The following CCL28 variants were observed in gnomAD, a reference collection of about 807,000 sequenced individuals.
CCL28 encodes C-C motif chemokine ligand 28.
CCL28 carries 4 observed loss-of-function variants against 7.1 expected under a neutral mutation model. The observed-to-expected ratio is 0.56, with a 90% CI of 0.28 to 1.29. The LOEUF (loss-of-function observed/expected upper bound fraction) is 1.29, where lower values mean the gene tolerates loss of function less well. Among genes scored for constraint, CCL28 ranks in the 50% most tolerant of loss-of-function variants. CCL28 has a pLI of 0.11. For synonymous variants in CCL28, 55 were observed against 57.8 expected (o/e 0.95, Z 0.22); for missense variants, 151 against 163.4 (o/e 0.92, Z 0.41).
chr5:43,409,804 G>C (rs1273940990), intron 1 of CCL28, among the ~76,000 whole-genome samples: 3 of 152,128 alleles, frequency 2.0e-5, no homozygotes, highest in Non-Finnish European at 4.4e-5. Flanking sequence ...CAAAGTCCTA[G>C]ATTGTGGGTT....
chr5:43,412,272 C>T lies in CCL28; in HGVS notation c.45G>A (p.Ala15=), dbSNP rs749388087. Residue 15 remains alanine, a synonymous_variant, in exon 1 of 3, where the codon GCG becomes GCA. Coordinates refer to ENST00000361115, the MANE Select transcript of CCL28 (RefSeq NM_148672.3). ...GLAIVALAVC[A]ALHASEAILP... is the part of the protein sequence containing the mutation. ...ACTCACCTTCTGAGGCATGTAGGGC[C>T]GCACAGACAGCCAAGGCCACGATGG... 43 of 1,612,484 alleles carry T rather than the reference C, an allele frequency of 2.7e-5. No homozygotes were observed. The highest frequency in any genetic ancestry group is 2.1e-4 in the South Asian group (19 of 90,618).
At chr5:43,396,113 G>T (rs1488681518) in intron 1 of CCL28, among the ~76,000 whole-genome samples, 1 of 151,806 alleles carries the variant, frequency 6.6e-6, no homozygotes, top group African/African-American at 2.4e-5. Flanking sequence ...CTCGTGATCC[G>T]CCCGCCTCTG....
intron 1 of CCL28, among the ~76,000 whole-genome samples, chr5:43,401,573 TC>T (rs1464802722): frequency 2.0e-5 from 3 of 152,156 alleles, no homozygotes; most frequent in Non-Finnish European, 4.4e-5. Flanking sequence ...ATGGGGGTGG[TC>T]CTAGCATCTA....
chr5:43,386,565 G>A (rs1323966044), intron 2 of CCL28, among the ~76,000 whole-genome samples: 1 of 152,140 alleles, frequency 6.6e-6, no homozygotes, highest in Non-Finnish European at 1.5e-5. Flanking sequence ...CCCTACATCT[G>A]ACCCTGAGTG....
chr5:43,388,373 C>G lies in CCL28; in HGVS notation c.168G>C (p.Gly56=). 6.2e-7 allele frequency: 1 copy of G among 1,614,132 alleles called. No homozygotes were observed. The highest frequency in any genetic ancestry group is 8.5e-7 in the Non-Finnish European group (1 of 1,180,020). Residue 56 remains glycine (G), a synonymous_variant, in exon 2 of 3, where the codon GGG becomes GGC. Transcript: ENST00000361115. The part of the protein sequence containing the change: ...VNMCRIQRAD[G]DCDLAAVILH... ...ACATGACAGCAGCCAAGTCACAATC[C>G]CCATCAGCTCTCTGGATGCGACACA...
At chr5:43,367,652 G>A in the CCL28 span, among the ~76,000 whole-genome samples, 5 of 150,760 alleles carry the variant, frequency 3.3e-5, no homozygotes, top group Admixed American at 6.6e-5. Flanking sequence ...CTTGCTGGGA[G>A]ATGCAGGCCC....
At chr5:43,367,125 C>A in the CCL28 span, among the ~76,000 whole-genome samples, 3 of 152,242 alleles carry the variant, frequency 2.0e-5, no homozygotes, top group Non-Finnish European at 4.4e-5. Context: ...GACTGCTGTG[C>A]TGGCAGCAAG....
chr5:43,384,559 T>G (rs1436867625), intron 2 of CCL28, among the ~76,000 whole-genome samples: 1 of 152,144 alleles, frequency 6.6e-6, no homozygotes, highest in African/African-American at 2.4e-5. Context: ...CATAGTATTC[T>G]GATGGGCACC....
At chr5:43,359,833 G>A in the CCL28 span, among the ~76,000 whole-genome samples, 1 of 151,706 alleles carries the variant, frequency 6.6e-6, no homozygotes, top group East Asian at 1.9e-4. Flanking sequence ...ACACCCCCCA[G>A]GCCTGTGACT....
intron 2 of CCL28, among the ~76,000 whole-genome samples, chr5:43,387,626 G>A (rs1333690663): frequency 2.0e-5 from 3 of 152,054 alleles, no homozygotes; most frequent in Non-Finnish European, 4.4e-5. Context: ...CCTTTTTGTT[G>A]TTGTGGTGGT....
rs528275975 is a variant in CCL28, at chr5:43,407,686, T to C, written c.64+4567A>G. 3.7e-3 allele frequency among the ~76,000 whole-genome samples: 561 copies of C among 152,062 alleles called. 1 individual carries two copies. The highest frequency in any genetic ancestry group is 0.034 in the Middle Eastern group (10 of 292). On this transcript the variant is annotated intron_variant, in intron 1 of 2. Coordinates refer to ENST00000361115, the MANE Select transcript of CCL28 (RefSeq NM_148672.3). ...AGAACTTGTGCACAGCAAAAGAAAA[T>C]ACCATCAGAGTGAACAGGCAACCTA...
At position 43,395,897 on chromosome 5, in the gene CCL28, T is replaced by C. The variant is rs563728272; in HGVS notation, c.65-7421A>G. On this transcript the variant is annotated intron_variant, in intron 1 of 2. Coordinates refer to ENST00000361115, the MANE Select transcript of CCL28 (RefSeq NM_148672.3). ...TTTTTTTTGAGACGGAGTATCGCTC[T>C]GTATCGCTCTGTTGCCCAGACTGGA... Among the ~76,000 whole-genome samples the C allele has an allele frequency of 2.2e-5, 3 of 138,122 alleles. No individual in the cohort carries two copies. In the South Asian group the frequency reaches 8.1e-4, roughly 37 times the overall value. The allele number at this position is 138,122 out of a possible 152,430, so 90.6% of individuals were successfully genotyped here.
Position 43,381,840 on chromosome 5 carries a change from T to C in CCL28, c.*20A>G, listed in dbSNP as rs779353704. On this transcript the variant is annotated 3_prime_UTR_variant, in exon 3 of 3. Transcript: ENST00000361115. Reference sequence around the variant, plus strand: ...AAGTCCACTTGAGGAATTGTCTCTGTAGATTTATCTGTAGACTCTCTAATA... The same window carrying C: ...AAGTCCACTTGAGGAATTGTCTCTGCAGATTTATCTGTAGACTCTCTAATA... 2 of 1,587,242 alleles carry C rather than the reference T, an allele frequency of 1.3e-6. No individual in the cohort carries two copies. Among genetic ancestry groups the C allele is most frequent in the Non-Finnish European group, 1.7e-6 (2 of 1,161,908 alleles).
At chr5:43,369,360 T>C in the CCL28 span, among the ~76,000 whole-genome samples, 3 of 152,174 alleles carry the variant, frequency 2.0e-5, no homozygotes, top group African/African-American at 7.2e-5. Flanking sequence ...AGAAAGTACA[T>C]TCTTGAAATA....
intron 1 of CCL28, among the ~76,000 whole-genome samples, chr5:43,395,099 T>A (rs1042190344): frequency 7.3e-5 from 11 of 150,852 alleles, no homozygotes; most frequent in Admixed American, 7.3e-4. Flanking sequence ...ATAAAGATTT[T>A]CTGTTCCTCC....
chr5:43,359,170 GCGGTGCTAGAA>G, the CCL28 span, among the ~76,000 whole-genome samples: 1 of 152,144 alleles, frequency 6.6e-6, no homozygotes, highest in South Asian at 2.1e-4. Context: ...CCCTAACCCA[GCGGTGCTAGAA>G]GAATTAAGAG....
At chr5:43,410,641 G>A (rs1043041711) in intron 1 of CCL28, among the ~76,000 whole-genome samples, 4 of 152,148 alleles carry the variant, frequency 2.6e-5, no homozygotes, top group African/African-American at 7.2e-5. Flanking sequence ...TCCTCGACCT[G>A]CTGTTCCCTC....
chr5:43,375,593 T>C (rs1401405769), downstream of CCL28, among the ~76,000 whole-genome samples: 1 of 151,208 alleles, frequency 6.6e-6, no homozygotes, highest in Non-Finnish European at 1.5e-5. Flanking sequence ...GCAGTTGACG[T>C]GAATGCTGTT....
chr5:43,374,760 G>A (rs548497620), downstream of CCL28, among the ~76,000 whole-genome samples: 53 of 140,972 alleles, frequency 3.8e-4, no homozygotes, highest in East Asian at 6.8e-3. Context: ...CAGCTTGGGC[G>A]ACAGAGTGAG....
Sources: gnomAD v4.1 joint callset for allele counts (sites outside exome capture counted in the v4.1 genomes callset) on GRCh38, gnomAD v4.1.1 for gene constraint, MANE v1.5 for transcripts, NCBI Gene and HGNC (gene_info 2026-07-23, HGNC 2026-07-21) for gene names.